Variants in RFX7 observed in about 807,000 individuals in gnomAD.
RFX7 encodes the protein regulatory factor X7, also known as DNA-binding protein RFX7.
A neutral mutation model predicts 111.8 loss-of-function variants in RFX7; 26 were observed. The observed-to-expected ratio is 0.23, with a 90% CI of 0.17 to 0.32. RFX7 has a LOEUF of 0.32. Ranked by LOEUF, RFX7 falls within the 10% of genes least tolerant of loss-of-function variation. The pLI is 1.00. For synonymous variants in RFX7, 624 were observed against 624.4 expected, an observed-to-expected ratio of 1.00 and a Z score of 0.01; for missense variants, 1,573 against 1,772.9, an observed-to-expected ratio of 0.89 and a Z score of 2.02.
chr15:56,097,771 A>AAAAAAAAAAAAAAAC (rs1567005692), intron 9 of RFX7, among the ~76,000 whole-genome samples: 3 of 149,282 alleles, frequency 2.0e-5, no homozygotes, highest in Admixed American at 6.7e-5. Context: ...AAAAAAAAAA[A>AAAAAAAAAAAAAAAC]TCTTGGCTCA....
chr15:56,088,579 A>G lies in RFX7; in HGVS notation c.*4766T>C, dbSNP rs2140501180. 1 of 152,286 alleles carries G rather than the reference A, an allele frequency of 6.6e-6. No homozygotes were observed. Among genetic ancestry groups the G allele is most frequent in the South Asian group, 2.1e-4 (1 of 4,828 alleles). The allele number at this position is 152,286 out of a possible 1,614,324, so 9.4% of individuals were successfully genotyped here. A position where few individuals can be genotyped will look rare whatever the true frequency, so the allele number is the denominator to read the frequency against. On this transcript the variant is annotated 3_prime_UTR_variant, in exon 10 of 10. Coordinates refer to ENST00000559447, the MANE Select transcript of RFX7 (RefSeq NM_022841.7). ...GATTATAGCAACAAGACTGGCATAC[A>G]TATTTTTAAAATTTCAGATGATGCA... is the stretch of plus-strand genomic sequence containing the variant.
In RFX7 at chr15:56,167,744, A is replaced by C. The variant is rs2042800167; in HGVS notation, c.195+11526T>G. Among the ~76,000 whole-genome samples the C allele has an allele frequency of 2.0e-5, 3 of 152,204 alleles. No individual in the cohort carries two copies. The South Asian group carries it at 6.2e-4, about 31-fold the overall frequency. The stretch of plus-strand genomic sequence containing the variant: ...ATTTTTTCATAGCTTTAAAACTAGA[A>C]AAGTACTTTATATTTTTTACTTCTA... On this transcript the variant is annotated intron_variant, in intron 3 of 9. Transcript: ENST00000559447.
In RFX7 at chr15:56,206,384, C is replaced by T. The variant is rs772792832; in HGVS notation, c.162-27081G>A. Among the ~76,000 whole-genome samples, 38 of 151,998 alleles carry T rather than the reference C, an allele frequency of 2.5e-4. 1 individual carries two copies. The highest frequency in any genetic ancestry group is 4.6e-4 in the Admixed American group (7 of 15,256). ...GCAAGGATGGGGAGAAAAGAGAAAC[C>T]ACATACACTGTTAGGGGGACACAGT... On this transcript the variant is annotated intron_variant, in intron 2 of 9. Transcript: ENST00000559447.
At chr15:56,134,421 G>A (rs542551191) in intron 5 of RFX7, among the ~76,000 whole-genome samples, 2 of 152,060 alleles carry the variant, frequency 1.3e-5, no homozygotes, top group East Asian at 3.9e-4. Context: ...GAAATTTTTT[G>A]AACTAAAATA....
intron 3 of RFX7, among the ~76,000 whole-genome samples, chr15:56,154,473 T>G (rs2042621243): frequency 6.6e-6 from 1 of 151,922 alleles, no homozygotes; most frequent in Admixed American, 6.6e-5. Flanking sequence ...CAGAAATAAC[T>G]CCGCATATCT....
At chr15:56,139,511 A>C (rs1461988192) in intron 5 of RFX7, among the ~76,000 whole-genome samples, 43 of 152,010 alleles carry the variant, frequency 2.8e-4, no homozygotes, top group African/African-American at 4.4e-4. Context: ...CTAGTTATAC[A>C]TTCTTCTAAA....
At chr15:56,151,854 A>T (rs139914777) in intron 3 of RFX7, among the ~76,000 whole-genome samples, 5,460 of 152,278 alleles carry the variant, frequency 0.036, 357 homozygotes, top group African/African-American at 0.12. Context: ...AAATAAAGGG[A>T]TGGAGGAAGA....
chr15:56,149,343 A>C (rs1410806675), intron 3 of RFX7, among the ~76,000 whole-genome samples: 1 of 152,168 alleles, frequency 6.6e-6, no homozygotes, highest in African/African-American at 2.4e-5. Flanking sequence ...GATTAATATA[A>C]AAATTAGACT....
chr15:56,172,139 T>A (rs1170733670), intron 3 of RFX7, among the ~76,000 whole-genome samples: 1 of 152,116 alleles, frequency 6.6e-6, no homozygotes, highest in Non-Finnish European at 1.5e-5. Context: ...AAAAAGGCTG[T>A]CATTTGGAAG....
intron 2 of RFX7, among the ~76,000 whole-genome samples, chr15:56,189,652 C>G (rs1412143827): frequency 1.3e-5 from 2 of 152,112 alleles, no homozygotes; most frequent in African/African-American, 4.8e-5. Context: ...TTCAAGGAAC[C>G]AAGCCACCAA....
chr15:56,180,533 G>A (rs190965428), intron 2 of RFX7, among the ~76,000 whole-genome samples: 298 of 152,154 alleles, frequency 2.0e-3, no homozygotes, highest in Non-Finnish European at 2.8e-3. Context: ...TGAGATGTGA[G>A]AGTAATCTAC....
intron 3 of RFX7, among the ~76,000 whole-genome samples, chr15:56,171,655 C>T (rs745402447): frequency 6.6e-6 from 1 of 152,166 alleles, no homozygotes; most frequent in Non-Finnish European, 1.5e-5. Flanking sequence ...TGCTGGCACA[C>T]AGAAGTCTAA....
At chr15:56,239,479 C>A (rs1281578638) in intron 2 of RFX7, among the ~76,000 whole-genome samples, 1 of 151,962 alleles carries the variant, frequency 6.6e-6, no homozygotes, top group East Asian at 1.9e-4. Context: ...CATGGCCAGG[C>A]TGGTCTTGAA....
chr15:56,234,060 T>A (rs1357057417), intron 2 of RFX7, among the ~76,000 whole-genome samples: 2 of 152,214 alleles, frequency 1.3e-5, no homozygotes, highest in Admixed American at 1.3e-4. Context: ...TGTGTTTGGA[T>A]TTATAGCCCA....
intron 2 of RFX7, among the ~76,000 whole-genome samples, chr15:56,232,190 G>A (rs1483642289): frequency 6.6e-6 from 1 of 152,192 alleles, no homozygotes; most frequent in East Asian, 1.9e-4. Context: ...CCCCAGTGGG[G>A]ACTCTGTGTA....
intron 2 of RFX7, among the ~76,000 whole-genome samples, chr15:56,202,562 G>A (rs1402974097): frequency 2.0e-5 from 3 of 152,176 alleles, no homozygotes; most frequent in Non-Finnish European, 2.9e-5. Context: ...CCAACACTTT[G>A]GGAGGCTAAG....
intron 5 of RFX7, among the ~76,000 whole-genome samples, chr15:56,121,977 T>C (rs1193835774): frequency 6.6e-6 from 1 of 152,232 alleles, no homozygotes; most frequent in Non-Finnish European, 1.5e-5. Flanking sequence ...AACTCTCTTT[T>C]TGAAAGGTCA....
At chr15:56,214,871 T>C (rs1204846895) in intron 2 of RFX7, among the ~76,000 whole-genome samples, 2 of 152,206 alleles carry the variant, frequency 1.3e-5, no homozygotes, top group African/African-American at 4.8e-5. Flanking sequence ...TCTTCGTAAT[T>C]CTGTGTAGAT....
intron 5 of RFX7, among the ~76,000 whole-genome samples, chr15:56,109,848 G>A (rs1288976915): frequency 3.3e-5 from 5 of 151,718 alleles, no homozygotes; most frequent in Middle Eastern, 6.9e-3. Context: ...CCCTCCGCCC[G>A]GCAGCCACCC....
Sources: allele counts gnomAD v4.1 joint callset (sites outside exome capture counted in the v4.1 genomes callset), GRCh38; gene constraint gnomAD v4.1.1; transcripts MANE v1.5; gene names NCBI Gene and HGNC (gene_info 2026-07-23, HGNC 2026-07-21).